SEC63: variants seen among roughly 807,000 people sequenced by gnomAD.
SEC63 encodes translocation protein SEC63 homolog.
A neutral mutation model predicts 116.2 loss-of-function variants in SEC63; 56 were observed. The ratio of observed to expected loss-of-function variants is 0.48; its 90% CI spans 0.39 to 0.60. SEC63 has a LOEUF of 0.60. SEC63 is among the 20% of genes least tolerant of loss of function. The pLI is 0.00. For synonymous variants in SEC63, 273 were observed against 294.6 expected (o/e 0.93, Z 0.75); for missense variants, 668 against 900.0 (o/e 0.74, Z 3.30).
At chr6:107,902,726 T>A (rs1394985323) in intron 12 of SEC63, 118 bp downstream of exon 12, 1 of 957,940 alleles carries the variant, frequency 1.0e-6, no homozygotes, top group Non-Finnish European at 1.7e-6. Flanking sequence ...TTAGAGTATT[T>A]AAGACATTCT....
intron 1 of SEC63, among the ~76,000 whole-genome samples, chr6:107,936,213 C>T (rs1462334057): frequency 4.6e-5 from 7 of 152,176 alleles, no homozygotes; most frequent in Non-Finnish European, 1.0e-4. Context: ...TGTGCATGGA[C>T]CTTGTATGCC....
intron 5 of SEC63, 105 bp downstream of exon 5, chr6:107,913,261 G>A: frequency 1.2e-6 from 1 of 820,388 alleles, no homozygotes; most frequent in East Asian, 2.6e-5. Flanking sequence ...TAAACTCCAT[G>A]TGAGTATAAG....
Position 107,945,906 on chromosome 6 carries a change from GT to G in SEC63, c.124+11979del, listed in dbSNP as rs902695442. On this transcript the variant is annotated intron_variant, in intron 1 of 20. Transcript: ENST00000369002. ...AAAGCAATTTTACATAATGCAGGCG[GT>G]TTTTTTCCTGTATTTTGTTTGTTTG... Among the ~76,000 whole-genome samples, 8 of 152,018 alleles carry G rather than the reference GT, an allele frequency of 5.3e-5. 1 individual carries two copies. The highest frequency in any genetic ancestry group is 1.9e-4 in the African/African-American group (8 of 41,494).
chr6:107,933,896 CT>C (rs1787867427), intron 1 of SEC63, among the ~76,000 whole-genome samples: 1 of 151,902 alleles, frequency 6.6e-6, no homozygotes, highest in Non-Finnish European at 1.5e-5. Flanking sequence ...GGTTTTCGTA[CT>C]TTTTTGGTGG....
intron 10 of SEC63, 130 bp from the exon 11 acceptor site, chr6:107,904,851 T>C (rs983330124): frequency 3.9e-6 from 3 of 761,966 alleles, no homozygotes; most frequent in Non-Finnish European, 6.9e-6. Context: ...ATTTTACAGA[T>C]TGAATGGAAG....
At chr6:107,897,992 T>C (rs1189566558) in intron 13 of SEC63, among the ~76,000 whole-genome samples, 1 of 152,098 alleles carries the variant, frequency 6.6e-6, no homozygotes, top group Non-Finnish European at 1.5e-5. Flanking sequence ...TAGCCAGGCT[T>C]GGTGGCTCAT....
chr6:107,882,702 T>G (rs373505066), intron 17 of SEC63, among the ~76,000 whole-genome samples: 1 of 152,100 alleles, frequency 6.6e-6, no homozygotes, highest in Non-Finnish European at 1.5e-5. Flanking sequence ...AAAATCCCCT[T>G]ATGAGACCAA....
intron 16 of SEC63, among the ~76,000 whole-genome samples, chr6:107,887,729 C>G (rs1371894044): frequency 6.6e-6 from 1 of 152,028 alleles, no homozygotes; most frequent in Non-Finnish European, 1.5e-5. Flanking sequence ...GCACATGTAC[C>G]CTAAAACTTA....
At chr6:107,883,202 T>A in intron 16 of SEC63, 56 bp from the exon 17 acceptor site, 1 of 1,601,554 alleles carries the variant, frequency 6.2e-7, no homozygotes, top group Non-Finnish European at 8.5e-7. Flanking sequence ...AACATATCAA[T>A]CTGAATCCCT....
Position 107,883,006 on chromosome 6 carries a change from T to A in SEC63, c.1815A>T (p.Gln605His). The A allele has an allele frequency of 4.4e-6, 7 of 1,606,514 alleles. No individual in the cohort carries two copies. The highest frequency in any genetic ancestry group is 6.0e-6 in the Non-Finnish European group (7 of 1,174,652). The stretch of plus-strand genomic sequence containing the variant: ...GGCTTACTGCTTCATCATCTTTGTT[T>A]TGTTTTTCATCTTGCTCTCTATCAG... ...RDSDREQDEKQNKDDEAEWQE... is the reference protein window; with the variant it reads ...RDSDREQDEKHNKDDEAEWQE... Residue 605 changes from glutamine (Q) to histidine (H), a missense_variant, in exon 17 of 21, where the codon CAA becomes CAT. By Grantham distance (24) the Gln-to-His change is conservative. Around this residue, in one of 5 missense-constraint regions of SEC63, gnomAD observed 430 missense variants for 557.5 expected, o/e 0.77. Coordinates refer to ENST00000369002, the MANE Select transcript of SEC63 (RefSeq NM_007214.5).
At chr6:107,957,558 C>T in intron 1 of SEC63, 1 of 188,640 alleles carries the variant, frequency 5.3e-6, no homozygotes. Context: ...CCCAAGTCCC[C>T]ATCCCGCTTC....
At chr6:107,916,152 A>G (rs1352179636) in intron 4 of SEC63, among the ~76,000 whole-genome samples, 2 of 152,210 alleles carry the variant, frequency 1.3e-5, no homozygotes, top group Non-Finnish European at 2.9e-5. Context: ...GCACTAAAAT[A>G]AAAACTACTA....
chr6:107,921,165 C>T (rs763134962), intron 4 of SEC63, among the ~76,000 whole-genome samples: 18 of 151,606 alleles, frequency 1.2e-4, no homozygotes, highest in South Asian at 2.1e-4. Flanking sequence ...ATAAGCTACA[C>T]ATTGCCAAAA....
At chr6:107,899,142 AT>A (rs1301608677) in intron 13 of SEC63, among the ~76,000 whole-genome samples, 2 of 152,184 alleles carry the variant, frequency 1.3e-5, no homozygotes, top group Non-Finnish European at 2.9e-5. Flanking sequence ...ACTACAGGAG[AT>A]TCTATTACAG....
chr6:107,953,494 G>C (rs1168230554), intron 1 of SEC63, among the ~76,000 whole-genome samples: 2 of 142,592 alleles, frequency 1.4e-5, no homozygotes, highest in African/African-American at 5.3e-5. Context: ...CCCTCTGCCC[G>C]GCCAGCCGCC....
At chr6:107,883,578 T>C (rs1435950477) in intron 16 of SEC63, 1 of 168,002 alleles carries the variant, frequency 6.0e-6, no homozygotes, top group African/African-American at 2.4e-5. Context: ...GAAGACTGCT[T>C]GAGGCCAGGA....
chr6:107,885,819 T>C (rs930234123), intron 16 of SEC63, among the ~76,000 whole-genome samples: 4 of 152,110 alleles, frequency 2.6e-5, no homozygotes, highest in African/African-American at 4.8e-5. Context: ...ATCAATAGAA[T>C]GAACTAGAGT....
chr6:107,880,477 GAAC>G (rs1368563452), intron 18 of SEC63, among the ~76,000 whole-genome samples: 1 of 152,188 alleles, frequency 6.6e-6, no homozygotes. Flanking sequence ...TTTGAAAGAT[GAAC>G]AACACAGGCT....
At chr6:107,886,237 A>T (rs1198040597) in intron 16 of SEC63, among the ~76,000 whole-genome samples, 1 of 151,994 alleles carries the variant, frequency 6.6e-6, no homozygotes, top group Non-Finnish European at 1.5e-5. Context: ...TATGTGCCAC[A>T]TTTTCTTTAT....
Sources: allele counts gnomAD v4.1 joint callset (sites outside exome capture counted in the v4.1 genomes callset), GRCh38; gene constraint gnomAD v4.1.1; regional missense constraint gnomAD v4.1.1; transcripts MANE v1.5; gene names NCBI Gene and HGNC (gene_info 2026-07-23, HGNC 2026-07-21).